The following PTK2 variants were observed in gnomAD, a reference collection of about 807,000 sequenced individuals.
The protein encoded by PTK2 is focal adhesion kinase 1.
Under a neutral mutation model 150.1 loss-of-function variants are expected in PTK2, and 45 were observed. The ratio of observed to expected loss-of-function variants is 0.30; its 90% CI spans 0.24 to 0.38. The LOEUF (loss-of-function observed/expected upper bound fraction) is 0.38. Among genes scored for constraint, PTK2 ranks in the 10% least tolerant of loss-of-function variants. The probability of loss-of-function intolerance (pLI) is 1.00; values close to 1 mark genes in which losing one functional copy is unlikely to be tolerated. For missense variants in PTK2, 919 were observed against 1,307.3 expected (o/e 0.70, Z 4.58); for synonymous variants, 432 against 449.2 (o/e 0.96, Z 0.48).
At chr8:140,880,531 C>T (rs1342187928) in intron 3 of PTK2, among the ~76,000 whole-genome samples, 2 of 152,124 alleles carry the variant, frequency 1.3e-5, no homozygotes, top group Non-Finnish European at 1.5e-5. Context: ...GTGACCTTCT[C>T]AATCTTTTAG....
At chr8:140,816,416 C>T (rs575307288) in intron 10 of PTK2, among the ~76,000 whole-genome samples, 1 of 152,328 alleles carries the variant, frequency 6.6e-6, no homozygotes, top group East Asian at 1.9e-4. Context: ...CCAGCTGACA[C>T]AGCAGCATTT....
intron 1 of PTK2, among the ~76,000 whole-genome samples, chr8:140,994,197 C>T (rs1379022160): frequency 6.6e-6 from 1 of 152,162 alleles, no homozygotes; most frequent in Non-Finnish European, 1.5e-5. Flanking sequence ...TGTAGTGATG[C>T]TACTAGTGTC....
At chr8:140,908,621 CA>C (rs2100161883) in intron 2 of PTK2, among the ~76,000 whole-genome samples, 1 of 151,928 alleles carries the variant, frequency 6.6e-6, no homozygotes, top group Admixed American at 6.6e-5. Context: ...TCCCATTCTG[CA>C]AATCCTAAGG....
intron 20 of PTK2, among the ~76,000 whole-genome samples, chr8:140,739,871 G>T (rs1391438655): frequency 1.3e-5 from 2 of 152,162 alleles, no homozygotes; most frequent in Non-Finnish European, 2.9e-5. Context: ...TGCATATGTG[G>T]GTATTAGGGA....
intron 2 of PTK2, among the ~76,000 whole-genome samples, chr8:140,906,004 T>TAA (rs994518444): frequency 1.4e-5 from 2 of 142,484 alleles, no homozygotes; most frequent in African/African-American, 2.6e-5. Context: ...ATCCTGTCTC[T>TAA]AAAAAAAAAA....
chr8:140,959,403 G>A (rs1329238196), intron 1 of PTK2, among the ~76,000 whole-genome samples: 1 of 151,436 alleles, frequency 6.6e-6, no homozygotes, highest in Non-Finnish European at 1.5e-5. Context: ...GCCACGCATG[G>A]TGGCGGGTGC....
At chr8:140,883,188 A>T (rs1341960648) in intron 3 of PTK2, among the ~76,000 whole-genome samples, 1 of 152,202 alleles carries the variant, frequency 6.6e-6, no homozygotes, top group Non-Finnish European at 1.5e-5. Flanking sequence ...ATTCTTTCAT[A>T]AACTGTTCAT....
At chr8:140,843,057 G>A (rs1160272697) in intron 7 of PTK2, among the ~76,000 whole-genome samples, 1 of 151,986 alleles carries the variant, frequency 6.6e-6, no homozygotes. Context: ...GGTTTTGAAA[G>A]CCTTTAACAC....
chr8:140,968,703 T>C (rs1337343062), intron 1 of PTK2, among the ~76,000 whole-genome samples: 1 of 152,212 alleles, frequency 6.6e-6, no homozygotes, highest in Non-Finnish European at 1.5e-5. Context: ...TCAATAGGCA[T>C]AGTCAATACA....
chr8:140,947,898 T>C (rs1326664777), intron 1 of PTK2, among the ~76,000 whole-genome samples: 1 of 152,060 alleles, frequency 6.6e-6, no homozygotes, highest in African/African-American at 2.4e-5. Context: ...TAATAATAAT[T>C]TTTTAAAAAT....
intron 8 of PTK2, among the ~76,000 whole-genome samples, chr8:140,820,100 T>TAAA (rs2100107424): frequency 1.1e-5 from 1 of 90,874 alleles, no homozygotes; most frequent in Non-Finnish European, 2.0e-5. Flanking sequence ...TTTTTTTTTT[T>TAAA]TTTTTTTTTT....
In PTK2 at chr8:140,982,081, A is replaced by AAAAC. The variant is rs144602670; in HGVS notation, c.-122+19043_-122+19044insGTTT. On this transcript the variant is annotated intron_variant, in intron 1 of 31. Transcript: ENST00000522684. ...CAACTCAATAAAAAAAAAAAAAAAA[A>AAAAC]AATGACTCAGTTAAAAACAGACATG... Among the ~76,000 whole-genome samples the AAAAC allele has an allele frequency of 1.7e-4, 25 of 146,558 alleles. 1 individual carries two copies. Among genetic ancestry groups the AAAAC allele is most frequent in the Non-Finnish European group, 2.3e-4 (15 of 66,256 alleles).
chr8:140,726,739 T>TA (rs1006448296), intron 22 of PTK2, among the ~76,000 whole-genome samples: 5 of 152,028 alleles, frequency 3.3e-5, no homozygotes, highest in African/African-American at 9.7e-5. Context: ...CAAGAAATGC[T>TA]AAAAAAAATT....
chr8:140,760,181 C>A (rs972476526), intron 16 of PTK2, among the ~76,000 whole-genome samples: 6 of 151,974 alleles, frequency 3.9e-5, no homozygotes, highest in African/African-American at 1.5e-4. Context: ...GAGAAGACAC[C>A]ACTGCACTCC....
intron 1 of PTK2, among the ~76,000 whole-genome samples, chr8:140,982,017 C>A (rs1445245340): frequency 1.4e-5 from 2 of 148,144 alleles, no homozygotes; most frequent in African/African-American, 2.5e-5. Context: ...TAGCATATTT[C>A]TTTCATAAAT....
At chr8:140,659,324 G>T in exon 32 of PTK2, 1 of 649,996 alleles carries the variant, frequency 1.5e-6, no homozygotes, top group Non-Finnish European at 2.5e-6. Context: ...ATATGAGAAA[G>T]ATTTTTCAAC....
intron 7 of PTK2, among the ~76,000 whole-genome samples, chr8:140,832,705 G>A (rs755459854): frequency 1.8e-4 from 28 of 152,088 alleles, no homozygotes; most frequent in Non-Finnish European, 2.6e-4. Flanking sequence ...CAACAGGGAT[G>A]AGTGACTGGA....
intron 2 of PTK2, among the ~76,000 whole-genome samples, chr8:140,897,366 A>T (rs1204148272): frequency 6.6e-6 from 1 of 152,162 alleles, no homozygotes; most frequent in African/African-American, 2.4e-5. Context: ...AGAACTTACC[A>T]AAAGAAAAAA....
At chr8:140,715,160 T>A (rs932440042) in intron 23 of PTK2, among the ~76,000 whole-genome samples, 1 of 15,802 alleles carries the variant, frequency 6.3e-5, no homozygotes, top group East Asian at 6.3e-4. Flanking sequence ...AAACCGTTTT[T>A]TTTTTTTTTT....
Sources: allele counts gnomAD v4.1 joint callset (sites outside exome capture counted in the v4.1 genomes callset), GRCh38; gene constraint gnomAD v4.1.1; transcripts MANE v1.5; gene names NCBI Gene and HGNC (gene_info 2026-07-23, HGNC 2026-07-21).